Variants in KCP observed in about 807,000 individuals in gnomAD.
KCP encodes the protein kielin/chordin-like protein.
A neutral mutation model predicts 212.7 loss-of-function variants in KCP; 194 were observed. The observed-to-expected ratio is 0.91, with a 90% CI of 0.81 to 1.03. The LOEUF (loss-of-function observed/expected upper bound fraction) is 1.03, where lower values mean the gene tolerates loss of function less well. Ranked by LOEUF, KCP falls within the 50% of genes least tolerant of loss-of-function variation. The pLI, the probability that KCP is intolerant of heterozygous loss-of-function variation, is 0.00. For missense variants in KCP, 2,080 were observed against 2,162.5 expected (o/e 0.96, Z 0.76); for synonymous variants, 833 against 865.3 (o/e 0.96, Z 0.65).
chr7:128,905,797 G>C (rs1329747649), intron 5 of KCP, among the ~76,000 whole-genome samples: 2 of 151,986 alleles, frequency 1.3e-5, no homozygotes, highest in Non-Finnish European at 2.9e-5. Flanking sequence ...CTTGTGCCCA[G>C]AGGAACCTCA....
At chr7:128,890,269 G>A in intron 21 of KCP, 74 bp downstream of exon 21, 1 of 1,551,210 alleles carries the variant, frequency 6.4e-7, no homozygotes, top group Non-Finnish European at 8.7e-7. Context: ...CCCTAGGGCA[G>A]TAAAGATTAT....
intron 21 of KCP, among the ~76,000 whole-genome samples, chr7:128,889,404 C>T (rs1793944598): frequency 6.6e-6 from 1 of 152,032 alleles, no homozygotes; most frequent in African/African-American, 2.4e-5. Flanking sequence ...TGGTGTGGAC[C>T]CAAGGTAGCG....
At chr7:128,887,144 C>G (rs1040645493) in intron 23 of KCP, 71 bp downstream of exon 23, 3 of 1,355,446 alleles carry the variant, frequency 2.2e-6, no homozygotes, top group Non-Finnish European at 2.1e-6. Context: ...GTGGAGGAGA[C>G]AGCCTCTTCC....
chr7:128,907,163 C>A lies in KCP; in HGVS notation c.424G>T (p.Gly142Cys). The change falls in exon 4 of 40, where the codon GGC (glycine) becomes TGC (cysteine). Residue 142 changes from glycine (G) to cysteine (C), a missense_variant. Gly to Cys is a radical substitution (Grantham distance 159). Coordinates refer to ENST00000610776, the MANE Select transcript of KCP (RefSeq NM_001366122.1). Reference sequence around the variant, plus strand: ...GTCTCCCCGTTGCCGTAGGTCTGGCCATTTTGGCTGCAGCCTAAGGAGACA... The same window carrying A: ...GTCTCCCCGTTGCCGTAGGTCTGGCAATTTTGGCTGCAGCCTAAGGAGACA... ...LPHCRGCSQNGQTYGNGETFS... is the reference protein window; with the variant it reads ...LPHCRGCSQNCQTYGNGETFS... 1 of 1,551,536 alleles carries A rather than the reference C, an allele frequency of 6.4e-7. No homozygotes were observed. Among genetic ancestry groups the A allele is most frequent in the Non-Finnish European group, 8.7e-7 (1 of 1,146,888 alleles).
rs1793909644 is a variant in KCP, at chr7:128,888,906, G to A, written c.2469C>T (p.Ser823=). Residue 823 remains serine (S), a synonymous_variant, in exon 22 of 40, where the codon AGC becomes AGT. Coordinates refer to ENST00000610776, the MANE Select transcript of KCP (RefSeq NM_001366122.1). ...GRRPCEPPGC[S]HPLIPSGHCC... ...AGTGCCCAGAGGGGATGAGTGGGTG[G>A]CTGCAGCCCGGAGGCTCACAGGGCC... 6.4e-7 allele frequency: 1 copy of A among 1,550,562 alleles called. No homozygotes were observed.
intron 5 of KCP, among the ~76,000 whole-genome samples, chr7:128,904,984 AGT>A (rs10562667): frequency 0.34 from 50,897 of 150,800 alleles, 12,663 homozygotes; most frequent in African/African-American, 0.69. Flanking sequence ...TGCCCTGAAG[AGT>A]GTGTGTGTGT....
intron 28 of KCP, among the ~76,000 whole-genome samples, chr7:128,884,482 A>T (rs564673462): frequency 5.4e-4 from 82 of 152,152 alleles, no homozygotes; most frequent in African/African-American, 1.9e-3. Flanking sequence ...TAGAATCTCC[A>T]CAATATGACC....
At chr7:128,906,697 G>C (rs1239784877) in intron 4 of KCP, among the ~76,000 whole-genome samples, 2 of 152,142 alleles carry the variant, frequency 1.3e-5, no homozygotes, top group African/African-American at 4.8e-5. Flanking sequence ...AACTGGTGAG[G>C]GAGAATAGGC....
Position 128,910,596 on chromosome 7 carries a change from C to T in KCP, c.76+5G>A. On this transcript the variant is annotated splice_donor_5th_base_variant and intron_variant, in intron 1 of 39. Transcript: ENST00000610776. ...GGACCCCAAGCCTCCCGCACCTGGA[C>T]TCACCTTCCGCGCCCGCGGCCAGCG... The T allele has an allele frequency of 6.6e-7, 1 of 1,515,252 alleles. No homozygotes were observed. The highest frequency in any genetic ancestry group is 8.8e-7 in the Non-Finnish European group (1 of 1,138,884). 93.9% of individuals were successfully genotyped at this position (1,515,252 alleles called of 1,614,324 possible). A position where few individuals can be genotyped will look rare whatever the true frequency, so the allele number is the denominator to read the frequency against.
chr7:128,899,744 A>T (rs773043096), intron 8 of KCP, among the ~76,000 whole-genome samples: 5 of 151,590 alleles, frequency 3.3e-5, no homozygotes, highest in Non-Finnish European at 5.9e-5. Flanking sequence ...TATTTGCATG[A>T]GTGCAATAAG....
At chr7:128,891,407 C>A in intron 18 of KCP, 44 bp downstream of exon 18, 1 of 1,547,544 alleles carries the variant, frequency 6.5e-7, no homozygotes, top group South Asian at 1.2e-5. Flanking sequence ...CTGCAAGTCC[C>A]GCCTCCACTC....
intron 5 of KCP, among the ~76,000 whole-genome samples, chr7:128,905,736 CA>C (rs945874063): frequency 2.6e-5 from 4 of 152,188 alleles, no homozygotes; most frequent in African/African-American, 9.6e-5. Context: ...AGCCTGTTCC[CA>C]CTGGCCTTCC....
intron 1 of KCP, among the ~76,000 whole-genome samples, chr7:128,910,269 C>T (rs1015339443): frequency 6.6e-6 from 1 of 152,242 alleles, no homozygotes; most frequent in Non-Finnish European, 1.5e-5. Context: ...GACACAGATG[C>T]AAAGTCAGCT....
At position 128,877,258 on chromosome 7, in the gene KCP, A is replaced by C; in HGVS notation, c.4672T>G (p.Cys1558Gly). ...TGCTGATTGAAGCAGGTGCGGGGAC[A>C]GGGTGGGCCGCACTCATCAAACACG... Reference protein sequence around the residue: ...GFVFDECGPPCPRTCFNQHIP... With the variant: ...GFVFDECGPPGPRTCFNQHIP... Residue 1558 changes from cysteine to glycine, a missense_variant, in exon 40 of 40, where the codon TGT becomes GGT. By Grantham distance (159) the Cys-to-Gly change is radical (BLOSUM62 -3). Coordinates refer to ENST00000610776, the MANE Select transcript of KCP (RefSeq NM_001366122.1). 2 of 1,490,344 alleles carry C rather than the reference A, an allele frequency of 1.3e-6. No individual in the cohort carries two copies. The highest frequency in any genetic ancestry group is 1.8e-6 in the Non-Finnish European group (2 of 1,120,720). 92.3% of individuals were successfully genotyped at this position (1,490,344 alleles called of 1,614,324 possible).
At chr7:128,883,134 G>GT (rs1793432153) in intron 29 of KCP, among the ~76,000 whole-genome samples, 1 of 150,524 alleles carries the variant, frequency 6.6e-6, no homozygotes, top group South Asian at 2.1e-4. Context: ...AAAAAAGTAT[G>GT]TTTTTTCTTT....
intron 1 of KCP, 70 bp from the exon 2 acceptor site, chr7:128,908,638 G>C (rs1251066862): frequency 6.7e-7 from 1 of 1,486,654 alleles, no homozygotes; most frequent in East Asian, 2.5e-5. Flanking sequence ...TCTGGGTTCT[G>C]TCTTCTGACC....
chr7:128,894,754 G>A (rs971875999), intron 8 of KCP, among the ~76,000 whole-genome samples: 3 of 152,008 alleles, frequency 2.0e-5, no homozygotes, highest in South Asian at 4.1e-4. Flanking sequence ...TTACAGGCAC[G>A]CACCACCATG....
chr7:128,908,279 AAAG>A (rs1795254138), intron 2 of KCP, 144 bp downstream of exon 2: 2 of 562,682 alleles, frequency 3.6e-6, no homozygotes, highest in Non-Finnish European at 5.3e-6. Context: ...AGAAAGAAAG[AAAG>A]AAAGAAAGAA....
intron 27 of KCP, 24 bp from the exon 28 acceptor site, chr7:128,884,887 A>G (rs1461401855): frequency 6.5e-7 from 1 of 1,548,982 alleles, no homozygotes; most frequent in Non-Finnish European, 8.7e-7. Context: ...TGAGAGCAGA[A>G]CGGGACCAGG....
Sources: allele counts gnomAD v4.1 joint callset (sites outside exome capture counted in the v4.1 genomes callset), GRCh38; gene constraint gnomAD v4.1.1; transcripts MANE v1.5; gene names NCBI Gene and HGNC (gene_info 2026-07-23, HGNC 2026-07-21).